The following ADAMTSL3 variants were observed in gnomAD, a reference collection of about 807,000 sequenced individuals.
ADAMTSL3 encodes the protein ADAMTS like 3, also known as ADAMTS-like protein 3.
ADAMTSL3 carries 128 observed loss-of-function variants against 201.7 expected under a neutral mutation model. The observed-to-expected ratio is 0.63, with a 90% confidence interval of 0.55 to 0.73. ADAMTSL3 has a LOEUF of 0.73. ADAMTSL3 is among the 30% of genes least tolerant of loss of function. The pLI is 0.00. For synonymous variants in ADAMTSL3, 738 were observed against 748.4 expected (o/e 0.99, Z 0.23); for missense variants, 1,990 against 2,119.6 (o/e 0.94, Z 1.20).
chr15:83,879,433 T>C (rs2065233811), intron 9 of ADAMTSL3, among the ~76,000 whole-genome samples: 6 of 152,166 alleles, frequency 3.9e-5, no homozygotes. Flanking sequence ...TTTAATAATT[T>C]TGATATGAAA....
intron 2 of ADAMTSL3, among the ~76,000 whole-genome samples, chr15:83,677,063 CCA>C (rs2061416355): frequency 6.6e-6 from 1 of 152,086 alleles, no homozygotes; most frequent in Non-Finnish European, 1.5e-5. Flanking sequence ...ATTTACTTTC[CCA>C]GTGTTTGGAA....
chr15:83,830,722 G>GT (rs1157849423), intron 6 of ADAMTSL3, among the ~76,000 whole-genome samples: 2 of 152,148 alleles, frequency 1.3e-5, no homozygotes, highest in African/African-American at 4.8e-5. Flanking sequence ...TAAAATCAGG[G>GT]TATCAGCAGG....
chr15:83,930,273 T>A (rs1037423652), intron 17 of ADAMTSL3, among the ~76,000 whole-genome samples: 1 of 152,188 alleles, frequency 6.6e-6, no homozygotes, highest in Non-Finnish European at 1.5e-5. Context: ...TTCACTCATG[T>A]CTTCAAATTA....
intron 8 of ADAMTSL3, among the ~76,000 whole-genome samples, chr15:83,867,384 G>A (rs2064999935): frequency 6.6e-6 from 1 of 152,172 alleles, no homozygotes; most frequent in African/African-American, 2.4e-5. Flanking sequence ...TTCCAGGAGT[G>A]CATCCCTTCA....
chr15:83,927,920 A>T (rs913576095), intron 17 of ADAMTSL3, among the ~76,000 whole-genome samples: 1 of 151,920 alleles, frequency 6.6e-6, no homozygotes, highest in African/African-American at 2.4e-5. Flanking sequence ...CTAAAAAAAA[A>T]TGGTTTCGAA....
At chr15:83,771,788 A>G (rs1326636588) in intron 3 of ADAMTSL3, among the ~76,000 whole-genome samples, 1 of 152,218 alleles carries the variant, frequency 6.6e-6, no homozygotes, top group African/African-American at 2.4e-5. Context: ...ATAAATACCA[A>G]GAAGTTGGAT....
intron 11 of ADAMTSL3, 77 bp from the exon 12 acceptor site, chr15:83,891,252 C>A: frequency 7.8e-7 from 1 of 1,274,774 alleles, no homozygotes; most frequent in South Asian, 1.2e-5. Flanking sequence ...CTTGGGATGT[C>A]AAATATTATA....
At chr15:83,708,144 A>G (rs1194185845) in intron 3 of ADAMTSL3, among the ~76,000 whole-genome samples, 2 of 152,186 alleles carry the variant, frequency 1.3e-5, no homozygotes, top group Non-Finnish European at 2.9e-5. Flanking sequence ...CTGCTGTCAC[A>G]GTGGCTTGAA....
At chr15:83,879,333 G>C (rs1025863902) in intron 9 of ADAMTSL3, among the ~76,000 whole-genome samples, 2 of 151,804 alleles carry the variant, frequency 1.3e-5, no homozygotes, top group Non-Finnish European at 2.9e-5. Flanking sequence ...TTCTTGAGAT[G>C]GATTATGAAA....
intron 8 of ADAMTSL3, among the ~76,000 whole-genome samples, chr15:83,866,881 G>C (rs1040511995): frequency 6.6e-6 from 1 of 152,198 alleles, no homozygotes; most frequent in African/African-American, 2.4e-5. Context: ...ACAGGGCTCA[G>C]AAATGTTCCC....
chr15:83,789,200 G>C (rs1330185037), intron 4 of ADAMTSL3, among the ~76,000 whole-genome samples: 1 of 152,120 alleles, frequency 6.6e-6, no homozygotes, highest in Non-Finnish European at 1.5e-5. Flanking sequence ...CCTTCCAGGA[G>C]ATTTATCTAA....
chr15:83,682,335 A>G (rs1285439217), intron 2 of ADAMTSL3, among the ~76,000 whole-genome samples: 1 of 152,208 alleles, frequency 6.6e-6, no homozygotes, highest in Non-Finnish European at 1.5e-5. Flanking sequence ...AGCTCACCAG[A>G]TGTCTTGTTC....
At chr15:83,990,333 C>CA (rs1328021394) in intron 22 of ADAMTSL3, among the ~76,000 whole-genome samples, 1 of 152,108 alleles carries the variant, frequency 6.6e-6, no homozygotes, top group African/African-American at 2.4e-5. Context: ...GGCTGTGGCA[C>CA]CATATTCAGA....
At chr15:83,829,102 T>G (rs896915890) in intron 6 of ADAMTSL3, among the ~76,000 whole-genome samples, 13 of 152,234 alleles carry the variant, frequency 8.5e-5, no homozygotes, top group Non-Finnish European at 1.8e-4. Flanking sequence ...GAAGGAATGG[T>G]ACCAGCTCCT....
At chr15:83,880,453 A>G (rs1285933392) in intron 9 of ADAMTSL3, among the ~76,000 whole-genome samples, 2 of 152,202 alleles carry the variant, frequency 1.3e-5, no homozygotes, top group Non-Finnish European at 2.9e-5. Flanking sequence ...TTTGCACTAT[A>G]CTAGCAGAAT....
chr15:83,882,336 C>G (rs1403874840), intron 9 of ADAMTSL3, among the ~76,000 whole-genome samples: 1 of 152,172 alleles, frequency 6.6e-6, no homozygotes. Flanking sequence ...CACTCCGTTA[C>G]CATAACCCTG....
At chr15:83,665,222 A>G (rs950934154) in intron 2 of ADAMTSL3, among the ~76,000 whole-genome samples, 9 of 152,148 alleles carry the variant, frequency 5.9e-5, no homozygotes, top group African/African-American at 2.2e-4. Flanking sequence ...CTTGAGAGAG[A>G]GAGGGAGGAA....
chr15:83,973,750 T>G (rs942750346), intron 20 of ADAMTSL3, among the ~76,000 whole-genome samples: 1 of 152,122 alleles, frequency 6.6e-6, no homozygotes, highest in Non-Finnish European at 1.5e-5. Flanking sequence ...TCACCTCAAA[T>G]CTACCCCCTC....
rs535230919 is a variant in ADAMTSL3 at position 83,843,863 on chromosome 15, G to C, written c.727+5648G>C. On this transcript the variant is annotated intron_variant, in intron 7 of 29. Coordinates refer to ENST00000286744, the MANE Select transcript of ADAMTSL3 (RefSeq NM_207517.3). ...ATGAAAAATATCAGAAATTTATCCA[G>C]ATACAACATACAGATTTCCTGTTCA... Among the ~76,000 whole-genome samples, 3 of 152,294 alleles carry C rather than the reference G, an allele frequency of 2.0e-5. No homozygotes were observed. In the South Asian group the frequency reaches 6.2e-4, roughly 32 times the overall value.
Sources: gnomAD v4.1 joint callset for allele counts (sites outside exome capture counted in the v4.1 genomes callset) on GRCh38, gnomAD v4.1.1 for gene constraint, MANE v1.5 for transcripts, NCBI Gene and HGNC (gene_info 2026-07-23, HGNC 2026-07-21) for gene names.